Variants in CRACD observed in about 807,000 individuals in gnomAD.
CRACD encodes the protein capping protein inhibiting regulator of actin dynamics.
Under a neutral mutation model 106.8 loss-of-function variants are expected in CRACD, and 56 were observed. The observed-to-expected ratio is 0.52, with a 90% CI of 0.42 to 0.66. The LOEUF (loss-of-function observed/expected upper bound fraction) is 0.66, where lower values mean the gene tolerates loss of function less well. CRACD is among the 30% of genes least tolerant of loss of function. The pLI, the probability that CRACD is intolerant of heterozygous loss-of-function variation, is 0.00. For missense variants in CRACD, 1,730 were observed against 1,623.2 expected (o/e 1.07, Z -1.13); for synonymous variants, 754 against 670.8 (o/e 1.12, Z -1.92).
At chr4:56,256,958 A>G (rs540340453) in intron 2 of CRACD, among the ~76,000 whole-genome samples, 81 of 152,312 alleles carry the variant, frequency 5.3e-4, no homozygotes, top group African/African-American at 1.8e-3. Flanking sequence ...GTTAACATTA[A>G]AACAGAGATC....
At chr4:56,206,735 A>G (rs1738140683) in intron 2 of CRACD, among the ~76,000 whole-genome samples, 1 of 152,180 alleles carries the variant, frequency 6.6e-6, no homozygotes, top group Non-Finnish European at 1.5e-5. Flanking sequence ...TTTTGTTTAA[A>G]AATTCTCCCC....
In CRACD at chr4:56,183,455, C is replaced by T. The variant is rs79441276; in HGVS notation, c.-189+4025C>T. Among the ~76,000 whole-genome samples the T allele has an allele frequency of 2.4e-3, 366 of 152,214 alleles. 2 individuals carry two copies. Among genetic ancestry groups the T allele is most frequent in the African/African-American group, 8.5e-3 (352 of 41,536 alleles). On this transcript the variant is annotated intron_variant, in intron 2 of 10. Transcript: ENST00000682029. ...TTTAGGCATGGTCTTGAGGACTGCA[C>T]GCGAGAAAAGGAAGGCTACACCAAA...
At chr4:56,150,233 A>G (rs546614853) in intron 1 of CRACD, among the ~76,000 whole-genome samples, 1 of 152,208 alleles carries the variant, frequency 6.6e-6, no homozygotes, top group Non-Finnish European at 1.5e-5. Context: ...ATGAAGCTTC[A>G]CTTTGTACAT....
intron 2 of CRACD, among the ~76,000 whole-genome samples, chr4:56,269,543 G>A (rs1742225300): frequency 6.7e-6 from 1 of 149,708 alleles, no homozygotes; most frequent in Non-Finnish European, 1.5e-5. Context: ...GCAGGAGCAA[G>A]GTCGGGGGAG....
At chr4:56,296,388 A>C (rs1482561915) in intron 3 of CRACD, among the ~76,000 whole-genome samples, 1 of 152,110 alleles carries the variant, frequency 6.6e-6, no homozygotes, top group Non-Finnish European at 1.5e-5. Context: ...TTATTGCCTA[A>C]GATCACATAG....
At chr4:56,281,924 T>C (rs1405685071) in intron 3 of CRACD, among the ~76,000 whole-genome samples, 3 of 152,352 alleles carry the variant, frequency 2.0e-5, no homozygotes, top group African/African-American at 7.2e-5. Context: ...TGAATTTGTA[T>C]GACGTACCCT....
At chr4:56,226,551 T>A (rs1739314631) in intron 2 of CRACD, among the ~76,000 whole-genome samples, 1 of 152,134 alleles carries the variant, frequency 6.6e-6, no homozygotes, top group Non-Finnish European at 1.5e-5. Context: ...TTGTGTATGC[T>A]CTGTTGCTAA....
intron 1 of CRACD, among the ~76,000 whole-genome samples, chr4:56,099,767 A>G (rs939016437): frequency 6.6e-6 from 1 of 152,216 alleles, no homozygotes; most frequent in Non-Finnish European, 1.5e-5. Flanking sequence ...ACAATGCTGC[A>G]TGTGTTGCTA....
chr4:56,271,011 A>G (rs941638713), intron 2 of CRACD, among the ~76,000 whole-genome samples: 7 of 151,796 alleles, frequency 4.6e-5, no homozygotes. Context: ...AGGCTGAGAC[A>G]GGAGAATCAC....
intron 1 of CRACD, among the ~76,000 whole-genome samples, chr4:56,159,035 G>A (rs1735856303): frequency 6.6e-6 from 1 of 152,210 alleles, no homozygotes; most frequent in Admixed American, 6.5e-5. Flanking sequence ...GTTGCATGTT[G>A]TATGTTATGT....
chr4:56,150,852 A>G (rs1735553820), intron 1 of CRACD, among the ~76,000 whole-genome samples: 1 of 152,178 alleles, frequency 6.6e-6, no homozygotes. Context: ...TGGTGCTGAT[A>G]TTCAAGAGAT....
chr4:56,243,309 T>G (rs78184155), intron 2 of CRACD, among the ~76,000 whole-genome samples: 2,346 of 152,298 alleles, frequency 0.015, 69 homozygotes, highest in African/African-American at 0.05. Flanking sequence ...CGTTAGGAGA[T>G]AGTGATCAAC....
At chr4:56,312,042 T>C (rs770267062) in intron 6 of CRACD, among the ~76,000 whole-genome samples, 24 of 152,196 alleles carry the variant, frequency 1.6e-4, no homozygotes, top group Non-Finnish European at 1.9e-4. Context: ...ATTCATCCTT[T>C]GAAGGACCGC....
intron 5 of CRACD, among the ~76,000 whole-genome samples, chr4:56,308,579 A>C (rs1744913798): frequency 6.6e-6 from 1 of 152,218 alleles, no homozygotes; most frequent in Non-Finnish European, 1.5e-5. Context: ...TCTCAGAAGA[A>C]ATCATGCATT....
intron 1 of CRACD, among the ~76,000 whole-genome samples, chr4:56,142,810 T>C (rs1294280786): frequency 4.6e-5 from 7 of 152,114 alleles, no homozygotes; most frequent in Non-Finnish European, 7.4e-5. Context: ...TCTTCTATGC[T>C]GATTTAAAAG....
intron 1 of CRACD, among the ~76,000 whole-genome samples, chr4:56,175,363 A>G (rs780616559): frequency 2.0e-5 from 3 of 152,126 alleles, no homozygotes; most frequent in Non-Finnish European, 2.9e-5. Flanking sequence ...GTTAATAGCA[A>G]TTTTAACTGG....
In CRACD at chr4:56,315,627, C is replaced by T; in HGVS notation, c.2125C>T (p.Gln709Ter). The part of the protein sequence containing the change: ...PRGRCDSRGN[Q>*]RKTPPVNAKF... ...GGGCCGGTGTGATTCCCGCGGGAAC[C>T]AACGGAAGACTCCGCCAGTCAATGC... The change falls in exon 8 of 11, where the codon CAA (glutamine) becomes TAA (stop). Residue 709 changes from glutamine to a stop codon, truncating the protein, a stop_gained. Coordinates refer to ENST00000682029, the MANE Select transcript of CRACD (RefSeq NM_001393381.1). LOFTEE classifies it high-confidence loss of function. This position sits in a 1 kb window ranked among gnomAD's most constrained non-coding sequence, Gnocchi z 4.1. The T allele has an allele frequency of 6.2e-7, 1 of 1,614,194 alleles. No homozygotes were observed. The highest frequency in any genetic ancestry group is 2.2e-5 in the East Asian group (1 of 44,866).
chr4:56,323,795 G>A (rs915016353), intron 9 of CRACD, among the ~76,000 whole-genome samples: 10 of 152,172 alleles, frequency 6.6e-5, no homozygotes, highest in African/African-American at 1.7e-4. Context: ...TCCACGATAC[G>A]CTTACAACAG....
chr4:56,103,206 G>A (rs1577963563), intron 1 of CRACD, among the ~76,000 whole-genome samples: 2 of 152,134 alleles, frequency 1.3e-5, no homozygotes, highest in African/African-American at 4.8e-5. Flanking sequence ...CAGCCTAGAC[G>A]TACACATATT....
Sources: allele counts gnomAD v4.1 joint callset (sites outside exome capture counted in the v4.1 genomes callset), GRCh38; gene constraint gnomAD v4.1.1; non-coding constraint Gnocchi (gnomAD v3.1); transcripts MANE v1.5; gene names NCBI Gene and HGNC (gene_info 2026-07-23, HGNC 2026-07-21).